The following TSHZ2 variants were observed in gnomAD, a reference collection of about 807,000 sequenced individuals.
TSHZ2 encodes teashirt homolog 2.
Under a neutral mutation model 74.4 loss-of-function variants are expected in TSHZ2, and 21 were observed. The ratio of observed to expected loss-of-function variants is 0.28; its 90% CI spans 0.20 to 0.41. The LOEUF (loss-of-function observed/expected upper bound fraction) is 0.41. Among genes scored for constraint, TSHZ2 ranks in the 10% least tolerant of loss-of-function variants. TSHZ2 has a pLI of 1.00. For missense variants in TSHZ2, 1,244 were observed against 1,293.5 expected (o/e 0.96, Z 0.59); for synonymous variants, 540 against 515.3 (o/e 1.05, Z -0.65).
Position 53,053,099 on chromosome 20 carries a change from T to C in TSHZ2, c.40+79766T>C, listed in dbSNP as rs535182397. On this transcript the variant is annotated intron_variant, in intron 1 of 2. Transcript: ENST00000371497. Reference sequence around the variant, plus strand: ...CTGGTAGAGAGACTTTCTGTCTCTATAGATTGACCTGTTTGGGGCCTTTCA... The same window carrying C: ...CTGGTAGAGAGACTTTCTGTCTCTACAGATTGACCTGTTTGGGGCCTTTCA... 4.6e-5 allele frequency among the ~76,000 whole-genome samples: 7 copies of C among 152,340 alleles called. No homozygotes were observed. In the East Asian group the frequency reaches 9.6e-4, roughly 21 times the overall value.
intron 1 of TSHZ2, among the ~76,000 whole-genome samples, chr20:53,167,413 C>A (rs1344268349): frequency 6.6e-6 from 1 of 152,172 alleles, no homozygotes; most frequent in Non-Finnish European, 1.5e-5. Context: ...TAATAACTTT[C>A]CTAAAATCAC....
At chr20:53,291,156 G>A (rs1991270098) in intron 2 of TSHZ2, among the ~76,000 whole-genome samples, 1 of 152,160 alleles carries the variant, frequency 6.6e-6, no homozygotes, top group Admixed American at 6.5e-5. Context: ...GTGCTAGTCA[G>A]TTCCAAATAC....
chr20:53,286,033 A>G (rs1417563298), intron 2 of TSHZ2, among the ~76,000 whole-genome samples: 1 of 152,172 alleles, frequency 6.6e-6, no homozygotes, highest in Non-Finnish European at 1.5e-5. Flanking sequence ...TATTATGAAA[A>G]GTGAAGGTAG....
chr20:53,011,642 T>C (rs995227597), intron 1 of TSHZ2, among the ~76,000 whole-genome samples: 1 of 152,132 alleles, frequency 6.6e-6, no homozygotes, highest in Non-Finnish European at 1.5e-5. Flanking sequence ...AGGAGCATAG[T>C]AGGATCTCAA....
At chr20:53,297,281 G>A (rs73274298) in intron 2 of TSHZ2, among the ~76,000 whole-genome samples, 5,784 of 126,634 alleles carry the variant, frequency 0.046, 423 homozygotes, top group African/African-American at 0.16. Flanking sequence ...GACCAGTTCC[G>A]GCTTTGTTAC....
At chr20:53,327,434 A>G (rs1979541522) in intron 2 of TSHZ2, among the ~76,000 whole-genome samples, 1 of 152,202 alleles carries the variant, frequency 6.6e-6, no homozygotes. Context: ...GATTGCAGTG[A>G]GCCAAAATGG....
chr20:53,256,440 C>G lies in TSHZ2; in HGVS notation c.2982C>G (p.Phe994Leu). The G allele has an allele frequency of 6.2e-7, 1 of 1,614,144 alleles. No homozygotes were observed. Among genetic ancestry groups the G allele is most frequent in the Non-Finnish European group, 8.5e-7 (1 of 1,179,986 alleles). ...IAAEEDTDSKFKCKLCCRTFV... is the reference protein window; with the variant it reads ...IAAEEDTDSKLKCKLCCRTFV... ...CCGAAGAGGACACAGACTCTAAATT[C>G]AAGTGTAAGTTGTGCTGTCGGACAT... The change falls in exon 2 of 3, where the codon TTC becomes TTG. Residue 994 changes from phenylalanine (F) to leucine (L), a missense_variant. Coordinates refer to ENST00000371497, the MANE Select transcript of TSHZ2 (RefSeq NM_173485.6). The surrounding 1 kb of genome is among the most constrained non-coding windows in gnomAD (Gnocchi z 4.3).
At chr20:53,214,384 C>T (rs1989386752) in intron 1 of TSHZ2, among the ~76,000 whole-genome samples, 1 of 152,072 alleles carries the variant, frequency 6.6e-6, no homozygotes, top group African/African-American at 2.4e-5. Flanking sequence ...GAGGAAAGTG[C>T]ACTTTCCTAA....
intron 1 of TSHZ2, among the ~76,000 whole-genome samples, chr20:53,108,549 A>G (rs1052293142): frequency 2.0e-5 from 3 of 152,192 alleles, no homozygotes; most frequent in Admixed American, 6.5e-5. Context: ...ATGAGTGCAG[A>G]CTGTGACTTC....
chr20:53,472,736 T>C (rs940159017), intron 2 of TSHZ2, among the ~76,000 whole-genome samples: 3 of 151,382 alleles, frequency 2.0e-5, no homozygotes, highest in Non-Finnish European at 4.4e-5. Flanking sequence ...TGCATTTCCA[T>C]CTGAGGTACC....
At chr20:53,072,005 A>G (rs1278947405) in intron 1 of TSHZ2, among the ~76,000 whole-genome samples, 1 of 152,194 alleles carries the variant, frequency 6.6e-6, no homozygotes, top group Admixed American at 6.5e-5. Context: ...CTTGTGGGGT[A>G]GAGACCAGAG....
intron 1 of TSHZ2, among the ~76,000 whole-genome samples, chr20:53,216,761 C>G (rs1204261959): frequency 1.3e-5 from 2 of 152,236 alleles, no homozygotes; most frequent in Admixed American, 6.5e-5. Flanking sequence ...AATCAATCCT[C>G]TTTCCCCTTA....
At chr20:53,421,681 G>GTTTTTTTTTTTTTTTTTT (rs34083391) in intron 2 of TSHZ2, 6 of 85,578 alleles carry the variant, frequency 7.0e-5, no homozygotes, top group African/African-American at 1.6e-4. Context: ...TATGTTTTTG[G>GTTTTTTTTTTTTTTTTTT]TTTTTTTTTT....
intron 2 of TSHZ2, among the ~76,000 whole-genome samples, chr20:53,365,343 T>TG (rs1184016233): frequency 1.3e-5 from 2 of 152,080 alleles, no homozygotes; most frequent in African/African-American, 2.4e-5. Context: ...TATCCCAGCT[T>TG]GGGGGGGTCG....
At chr20:53,479,132 T>C (rs1414745600) in intron 2 of TSHZ2, among the ~76,000 whole-genome samples, 9 of 145,350 alleles carry the variant, frequency 6.2e-5, no homozygotes, top group African/African-American at 2.3e-4. Context: ...GCCACTGCAC[T>C]CCAGCCTGGG....
intron 1 of TSHZ2, among the ~76,000 whole-genome samples, chr20:52,994,701 T>C (rs886312764): frequency 3.9e-5 from 6 of 152,184 alleles, no homozygotes; most frequent in African/African-American, 1.4e-4. Flanking sequence ...CAAGCCATAA[T>C]GTGCCGTGAA....
intron 1 of TSHZ2, among the ~76,000 whole-genome samples, chr20:53,115,342 G>A (rs1404929540): frequency 6.6e-6 from 1 of 152,128 alleles, no homozygotes; most frequent in African/African-American, 2.4e-5. Context: ...TTAAATCATG[G>A]GAACAGGTCT....
In TSHZ2 at chr20:53,250,055, G is replaced by T. The variant is rs142492557; in HGVS notation, c.41-3444G>T. On this transcript the variant is annotated intron_variant, in intron 1 of 2. Coordinates refer to ENST00000371497, the MANE Select transcript of TSHZ2 (RefSeq NM_173485.6). ...CAAAGAATGGACCGGATTTGCTCGT[G>T]AATCAGCTGTTCCAGGAATGGGGAC... 3.7e-4 allele frequency among the ~76,000 whole-genome samples: 56 copies of T among 152,336 alleles called. No homozygotes were observed. The East Asian group carries it at 0.01, about 28-fold the overall frequency.
chr20:53,175,097 C>A, intron 1 of TSHZ2, among the ~76,000 whole-genome samples: 2 of 129,258 alleles, frequency 1.5e-5, no homozygotes, highest in African/African-American at 5.8e-5. Context: ...GCTCCCTGGG[C>A]TTTTTCTTCT....
Sources: allele counts gnomAD v4.1 joint callset (sites outside exome capture counted in the v4.1 genomes callset), GRCh38; gene constraint gnomAD v4.1.1; non-coding constraint Gnocchi (gnomAD v3.1); transcripts MANE v1.5; gene names NCBI Gene and HGNC (gene_info 2026-07-23, HGNC 2026-07-21).